The following LRRC38 variants were observed in gnomAD, a reference collection of about 807,000 sequenced individuals.
The protein encoded by LRRC38 is leucine-rich repeat-containing protein 38.
In LRRC38, 5 loss-of-function variants were observed where a neutral mutation model predicts 16.4. The observed-to-expected ratio is 0.31, with a 90% CI of 0.16 to 0.64. LRRC38 has a LOEUF of 0.64. LRRC38 is among the 30% of genes least tolerant of loss of function. LRRC38 has a pLI of 0.80. For missense variants in LRRC38, 341 were observed against 401.8 expected (o/e 0.85, Z 1.29); for synonymous variants, 191 against 190.2 (o/e 1.00, Z -0.04).
rs780609755 is a variant in LRRC38 at position 13,513,461 on chromosome 1, G to T, written c.133C>A (p.Arg45Ser). Residue 45 changes from arginine (R) to serine (S), a missense_variant, in exon 1 of 2, where the codon CGC becomes AGC. Coordinates refer to ENST00000376085, the MANE Select transcript of LRRC38 (RefSeq NM_001010847.2). ...GGGTCTGGCACGCTGGGCAGCCCGC[G>T]GTCGCGGCAGTCCACGGTGTGCGGG... ...TDPHTVDCRD[R>S]GLPSVPDPFP... The T allele has an allele frequency of 7.1e-6, 11 of 1,546,928 alleles. No individual in the cohort carries two copies. The highest frequency in any genetic ancestry group is 8.7e-7 in the Non-Finnish European group (1 of 1,144,888).
At chr1:13,495,774 G>A (rs764157287) in intron 1 of LRRC38, among the ~76,000 whole-genome samples, 1 of 151,990 alleles carries the variant, frequency 6.6e-6, no homozygotes, top group Non-Finnish European at 1.5e-5. Flanking sequence ...GCCCTAATGC[G>A]GTTAGACAGT....
In LRRC38 at chr1:13,513,702, G is replaced by C; in HGVS notation, c.-109C>G. ...GGCTGCCGGGCGCGGGGAGCCAGAG[G>C]GCGGCCCGGGCGGGGAGGGCGTGCG... On this transcript the variant is annotated 5_prime_UTR_variant, in exon 1 of 2. Transcript: ENST00000376085. 5 of 660,472 alleles carry C rather than the reference G, an allele frequency of 7.6e-6. No individual in the cohort carries two copies. The highest frequency in any genetic ancestry group is 9.4e-6 in the Non-Finnish European group (5 of 530,148). The allele number at this position is 660,472 out of a possible 1,614,324, so 40.9% of individuals were successfully genotyped here. A position where few individuals can be genotyped will look rare whatever the true frequency, so the allele number is the denominator to read the frequency against.
intron 1 of LRRC38, among the ~76,000 whole-genome samples, chr1:13,479,807 C>T (rs995646079): frequency 2.7e-5 from 4 of 148,242 alleles, no homozygotes; most frequent in Admixed American, 6.7e-5. Context: ...CAAAAGCTGG[C>T]TACAAAGGCT....
Position 13,487,924 on chromosome 1 carries a change from A to G in LRRC38, c.632-11825T>C, listed in dbSNP as rs1353791171. On this transcript the variant is annotated intron_variant, in intron 1 of 1. Transcript: ENST00000376085. This position sits in a 1 kb window ranked among gnomAD's most constrained non-coding sequence, Gnocchi z 4.4. ...TTTTTTTGTTTTCTTATCTCCACAT[A>G]TTAGGCAAAGCTCACATATATACTG... 1.3e-5 allele frequency among the ~76,000 whole-genome samples: 2 copies of G among 152,040 alleles called. No homozygotes were observed. The highest frequency in any genetic ancestry group is 2.9e-5 in the Non-Finnish European group (2 of 68,024).
At chr1:13,500,029 T>A (rs1174936017) in intron 1 of LRRC38, among the ~76,000 whole-genome samples, 1 of 151,994 alleles carries the variant, frequency 6.6e-6, no homozygotes, top group Non-Finnish European at 1.5e-5. Context: ...GGCAGGCAGA[T>A]CACCTGAGGG....
chr1:13,509,350 TC>T lies in LRRC38; in HGVS notation c.631+3612del, dbSNP rs1422475004. Among the ~76,000 whole-genome samples the T allele has an allele frequency of 3.9e-5, 6 of 152,016 alleles. No individual in the cohort carries two copies. The South Asian group carries it at 8.3e-4, about 21-fold the overall frequency. On this transcript the variant is annotated intron_variant, in intron 1 of 1. Transcript: ENST00000376085. ...CCACCTTGACAGCTGCAAGTGCCCC[TC>T]CTGTGATACACTCCCAGGCATGTTC...
chr1:13,488,235 G>C (rs957681788), intron 1 of LRRC38, among the ~76,000 whole-genome samples: 2 of 150,402 alleles, frequency 1.3e-5, no homozygotes, highest in Non-Finnish European at 2.9e-5. Flanking sequence ...TTCTCTCTTA[G>C]AACTAATGCT....
At position 13,513,969 on chromosome 1, in the gene LRRC38, C is replaced by T. The variant is rs981524920; in HGVS notation, c.-376G>A. 6.6e-6 allele frequency: 1 copy of T among 152,080 alleles called. No homozygotes were observed. The highest frequency in any genetic ancestry group is 1.5e-5 in the Non-Finnish European group (1 of 68,032). The allele number at this position is 152,080 out of a possible 1,614,324, so 9.4% of individuals were successfully genotyped here. A position where few individuals can be genotyped will look rare whatever the true frequency, so the allele number is the denominator to read the frequency against. On this transcript the variant is annotated 5_prime_UTR_variant, in exon 1 of 2. Coordinates refer to ENST00000376085, the MANE Select transcript of LRRC38 (RefSeq NM_001010847.2). ...TGATTTCCGAGATCTGGCAGTAAGA[C>T]GCCGCGCGCACCGGGCGGGCTGCAC...
In LRRC38 at chr1:13,513,486, G is replaced by C. The variant is rs1225895139; in HGVS notation, c.108C>G (p.Asp36Glu). 1 of 1,536,536 alleles carries C rather than the reference G, an allele frequency of 6.5e-7. No homozygotes were observed. Among genetic ancestry groups the C allele is most frequent in the Admixed American group, 2.0e-5 (1 of 50,458 alleles). The change falls in exon 1 of 2, where the codon GAC becomes GAG. Residue 36 changes from aspartate to glutamate, a missense_variant. Coordinates refer to ENST00000376085, the MANE Select transcript of LRRC38 (RefSeq NM_001010847.2). ...HACPAGCACTDPHTVDCRDRG... is the reference protein window; with the variant it reads ...HACPAGCACTEPHTVDCRDRG... Reference sequence around the variant, plus strand: ...GGTCGCGGCAGTCCACGGTGTGCGGGTCGGTGCAGGCGCAGCCCGCGGGGC... The same window carrying C: ...GGTCGCGGCAGTCCACGGTGTGCGGCTCGGTGCAGGCGCAGCCCGCGGGGC...
At chr1:13,500,254 CAAA>C (rs33912498) in intron 1 of LRRC38, among the ~76,000 whole-genome samples, 217 of 136,370 alleles carry the variant, frequency 1.6e-3, no homozygotes, top group South Asian at 3.5e-3. Flanking sequence ...GACTCTGTCT[CAAA>C]AAAAAAAAAA....
chr1:13,513,168 G>T lies in LRRC38; in HGVS notation c.426C>A (p.Gly142=), dbSNP rs553608233. Residue 142 remains glycine, a synonymous_variant, in exon 1 of 2, where the codon GGC becomes GGA. Transcript: ENST00000376085. Reference sequence around the variant, plus strand: ...GGGTCTCGAAGGCGTCCTCGTGCACGCCCACCAGGTTGTTGTTAGCCAGGC... The same window carrying T: ...GGGTCTCGAAGGCGTCCTCGTGCACTCCCACCAGGTTGTTGTTAGCCAGGC... ...KLSLANNNLV[G]VHEDAFETLE... is the part of the protein sequence containing the mutation. 21 of 1,550,520 alleles carry T rather than the reference G, an allele frequency of 1.4e-5. No individual in the cohort carries two copies. In the African/African-American group the frequency reaches 1.5e-4, roughly 11 times the overall value.
chr1:13,495,747 G>A (rs1639073216), intron 1 of LRRC38, among the ~76,000 whole-genome samples: 1 of 152,072 alleles, frequency 6.6e-6, no homozygotes, highest in Admixed American at 6.6e-5. Flanking sequence ...ACCTCCCAAA[G>A]GCAGCTCATT....
chr1:13,476,730 G>A (rs184812280), intron 1 of LRRC38, among the ~76,000 whole-genome samples: 94 of 152,298 alleles, frequency 6.2e-4, no homozygotes, highest in African/African-American at 1.9e-3. Context: ...ATCCAGACCC[G>A]ACTAGTAGCA....
intron 1 of LRRC38, among the ~76,000 whole-genome samples, chr1:13,490,140 T>A (rs948537016): frequency 6.6e-6 from 1 of 152,120 alleles, no homozygotes; most frequent in Non-Finnish European, 1.5e-5. Context: ...CAGAGAATGA[T>A]CATAGTGTTT....
Position 13,513,619 on chromosome 1 carries a change from G to T in LRRC38, c.-26C>A. ...GGCCGGGGGGCCCGCGCCGGCCGCG[G>T]CGAGAAGGAAGCGGCTCTCGGAGCG... On this transcript the variant is annotated 5_prime_UTR_variant, in exon 1 of 2. Transcript: ENST00000376085. 9.4e-7 allele frequency: 1 copy of T among 1,064,880 alleles called. No homozygotes were observed. The highest frequency in any genetic ancestry group is 4.4e-5 in the South Asian group (1 of 22,802). 66.0% of individuals were successfully genotyped at this position (1,064,880 alleles called of 1,614,324 possible).
intron 1 of LRRC38, among the ~76,000 whole-genome samples, chr1:13,481,578 G>C (rs1217320859): frequency 6.6e-6 from 1 of 151,348 alleles, no homozygotes; most frequent in Non-Finnish European, 1.5e-5. Flanking sequence ...TATTTTTTTA[G>C]TAGAGACGGG....
At chr1:13,489,335 A>T (rs1256928779) in intron 1 of LRRC38, among the ~76,000 whole-genome samples, 4 of 152,168 alleles carry the variant, frequency 2.6e-5, no homozygotes, top group African/African-American at 9.7e-5. Context: ...CCAAGAAATA[A>T]CAGTAGCTTT....
intron 1 of LRRC38, among the ~76,000 whole-genome samples, chr1:13,500,536 C>A (rs1204610898): frequency 6.6e-6 from 1 of 152,206 alleles, no homozygotes; most frequent in Non-Finnish European, 1.5e-5. Context: ...TTACCTATGA[C>A]CTGGAGGCCC....
At chr1:13,481,530 T>C (rs1213416218) in intron 1 of LRRC38, among the ~76,000 whole-genome samples, 3 of 151,986 alleles carry the variant, frequency 2.0e-5, no homozygotes, top group Non-Finnish European at 4.4e-5. Flanking sequence ...TAGCTGGGAC[T>C]ACAGGCACCC....
Sources: allele counts gnomAD v4.1 joint callset (sites outside exome capture counted in the v4.1 genomes callset), GRCh38; gene constraint gnomAD v4.1.1; non-coding constraint Gnocchi (gnomAD v3.1); transcripts MANE v1.5; gene names NCBI Gene and HGNC (gene_info 2026-07-23, HGNC 2026-07-21).